HCN2: variants seen among roughly 807,000 people sequenced by gnomAD.
The protein encoded by HCN2 is potassium/sodium hyperpolarization-activated cyclic nucleotide-gated channel 2.
Under a neutral mutation model 52.3 loss-of-function variants are expected in HCN2, and 20 were observed. That is an observed-to-expected ratio of 0.38 (90% CI 0.27 to 0.56). The LOEUF (loss-of-function observed/expected upper bound fraction) is 0.56. Ranked by LOEUF, HCN2 falls within the 20% of genes least tolerant of loss-of-function variation. HCN2 has a pLI of 0.71. For missense variants in HCN2, 981 were observed against 1,207.7 expected (o/e 0.81, Z 2.78); for synonymous variants, 694 against 537.0 (o/e 1.29, Z -4.04).
chr19:594,501 T>C (rs1257042387), intron 1 of HCN2, among the ~76,000 whole-genome samples: 2 of 152,236 alleles, frequency 1.3e-5, no homozygotes, highest in Middle Eastern at 3.4e-3. Context: ...CAGGATCTGT[T>C]ATGTCCCCTG....
At position 616,643 on chromosome 19, in the gene HCN2, GCGCCCCCGGCCGTCCCCCCTCAT is replaced by G. The variant is rs1190853048; in HGVS notation, c.*176_*198del. 1 of 294,072 alleles carries G rather than the reference GCGCCCCCGGCCGTCCCCCCTCAT, an allele frequency of 3.4e-6. No individual in the cohort carries two copies. The highest frequency in any genetic ancestry group is 2.3e-5 in the African/African-American group (1 of 43,918). 18.2% of individuals were successfully genotyped at this position (294,072 alleles called of 1,614,324 possible). A position where few individuals can be genotyped will look rare whatever the true frequency, so the allele number is the denominator to read the frequency against. On this transcript the variant is annotated 3_prime_UTR_variant, in exon 8 of 8. Coordinates refer to ENST00000251287, the MANE Select transcript of HCN2 (RefSeq NM_001194.4). ...CAGGGCCGGCGGGGCAGCCCCCTCC[GCGCCCCCGGCCGTCCCCCCTCAT>G]CGCCCCGCGCCCACCCCCATCGCCC...
chr19:613,186 C>T, intron 5 of HCN2, 62 bp from the exon 6 acceptor site: 2 of 1,537,588 alleles, frequency 1.3e-6, no homozygotes, highest in Non-Finnish European at 1.8e-6. Flanking sequence ...GTCCCAGAGG[C>T]AGGGCGAGGG....
At chr19:612,395 T>TGGGTGTGTGG (rs1309811893) in intron 5 of HCN2, among the ~76,000 whole-genome samples, 5 of 38,452 alleles carry the variant, frequency 1.3e-4, no homozygotes, top group African/African-American at 5.0e-4. Context: ...TTTCCACTGG[T>TGGGTGTGTGG]GTGTGTGTGT....
intron 4 of HCN2, 104 bp from the exon 5 acceptor site, chr19:610,155 G>A: frequency 7.3e-7 from 1 of 1,371,852 alleles, no homozygotes; most frequent in Non-Finnish European, 1.0e-6. Context: ...CAGGCTGGGG[G>A]CGGTGTCTGA....
In HCN2 at chr19:590,612, G is replaced by T; in HGVS notation, c.632+35G>T. 1 of 1,322,522 alleles carries T rather than the reference G, an allele frequency of 7.6e-7. No individual in the cohort carries two copies. Among genetic ancestry groups the T allele is most frequent in the Non-Finnish European group, 9.8e-7 (1 of 1,023,750 alleles). 81.9% of individuals were successfully genotyped at this position (1,322,522 alleles called of 1,614,324 possible). A position where few individuals can be genotyped will look rare whatever the true frequency, so the allele number is the denominator to read the frequency against. On this transcript the variant is annotated intron_variant, in intron 1 of 7. Coordinates refer to ENST00000251287, the MANE Select transcript of HCN2 (RefSeq NM_001194.4). This position sits in a 1 kb window ranked among gnomAD's most constrained non-coding sequence, Gnocchi z 7.2. ...CCGGGAGGGCCGGTCGGCGCGAGGG[G>T]GCCCGGGGAGCCGGGCGCGCGGGGA...
At chr19:600,928 C>CA (rs1472685883) in intron 1 of HCN2, among the ~76,000 whole-genome samples, 5 of 152,210 alleles carry the variant, frequency 3.3e-5, no homozygotes, top group African/African-American at 1.2e-4. Context: ...GCACCCCGCA[C>CA]ATGCCACTTC....
At chr19:609,352 GATC>G (rs1160174659) in intron 4 of HCN2, among the ~76,000 whole-genome samples, 2 of 152,186 alleles carry the variant, frequency 1.3e-5, no homozygotes, top group Admixed American at 1.3e-4. Flanking sequence ...TTTCTGGAAA[GATC>G]ATCAGGGAAG....
rs866177625 is a variant in HCN2, at chr19:590,052, C to T, written c.107C>T (p.Pro36Leu). The change falls in exon 1 of 8, where the codon CCG becomes CTG. Residue 36 changes from proline (P) to leucine (L), a missense_variant. Transcript: ENST00000251287. The surrounding 1 kb of genome is among the most constrained non-coding windows in gnomAD (Gnocchi z 7.2). ...PPPAPPQQQPPPPPPPAPPPG... is the reference protein window; with the variant it reads ...PPPAPPQQQPLPPPPPAPPPG... ...CCCGCGCCCCCCCAACAGCAGCCGC[C>T]GCCGCCGCCGCCGCCCGCGCCCCCC... 0.019 allele frequency: 11,997 copies of T among 641,546 alleles called. 174 individuals are homozygous for T. The highest frequency in any genetic ancestry group is 0.044 in the Middle Eastern group (54 of 1,224). 39.7% of individuals were successfully genotyped at this position (641,546 alleles called of 1,614,324 possible).
In HCN2 at chr19:591,791, AG is replaced by A. The variant is rs1177968799; in HGVS notation, c.632+1217del. On this transcript the variant is annotated intron_variant, in intron 1 of 7. Coordinates refer to ENST00000251287, the MANE Select transcript of HCN2 (RefSeq NM_001194.4). The surrounding 1 kb of genome is among the most constrained non-coding windows in gnomAD (Gnocchi z 4.1). ...GGACCCTGGACCCCCGGAACTGGGC[AG>A]GGAGGCTGTGGGGTTCTCTCTTCCC... Among the ~76,000 whole-genome samples the A allele has an allele frequency of 2.0e-5, 3 of 152,148 alleles. No homozygotes were observed. The highest frequency in any genetic ancestry group is 2.9e-5 in the Non-Finnish European group (2 of 68,012).
chr19:590,519 G>C lies in HCN2; in HGVS notation c.574G>C (p.Glu192Gln). 1 of 1,515,700 alleles carries C rather than the reference G, an allele frequency of 6.6e-7. No homozygotes were observed. The highest frequency in any genetic ancestry group is 8.9e-7 in the Non-Finnish European group (1 of 1,125,842). The allele number at this position is 1,515,700 out of a possible 1,614,324, so 93.9% of individuals were successfully genotyped here. Residue 192 changes from glutamate to glutamine, a missense_variant, in exon 1 of 8, where the codon GAG becomes CAG. Transcript: ENST00000251287. This position sits in a 1 kb window ranked among gnomAD's most constrained non-coding sequence, Gnocchi z 7.2. ...MFGSQKAVER[E>Q]QERVKSAGAW... ...CGGCAGCCAGAAGGCCGTGGAGCGC[G>C]AGCAGGAGCGCGTCAAGTCGGCGGG...
chr19:610,481 G>A (rs533922532), intron 5 of HCN2, 76 bp downstream of exon 5: 23 of 1,352,256 alleles, frequency 1.7e-5, no homozygotes, highest in South Asian at 2.5e-5. Context: ...CCCAGGAGCC[G>A]GTCCCTGAGG....
Position 610,239 on chromosome 19 carries a change from G to C in HCN2, c.1438-20G>C, listed in dbSNP as rs777760806. ...CAGGCCGGGGGCGGTGTCTGACCCA[G>C]CCTCGCCTCCTCCCCACAGTACAAG... On this transcript the variant is annotated intron_variant, in intron 4 of 7. Coordinates refer to ENST00000251287, the MANE Select transcript of HCN2 (RefSeq NM_001194.4). 1 of 1,607,684 alleles carries C rather than the reference G, an allele frequency of 6.2e-7. No homozygotes were observed. Among genetic ancestry groups the C allele is most frequent in the South Asian group, 1.1e-5 (1 of 90,874 alleles).
At chr19:602,373 C>T (rs1476387346) in intron 1 of HCN2, among the ~76,000 whole-genome samples, 8 of 123,626 alleles carry the variant, frequency 6.5e-5, no homozygotes, top group Non-Finnish European at 1.0e-4. Flanking sequence ...CCTGCGTGGA[C>T]GCCCCACTCC....
chr19:598,091 C>A (rs2144509031), intron 1 of HCN2, among the ~76,000 whole-genome samples: 1 of 152,294 alleles, frequency 6.6e-6, no homozygotes, highest in African/African-American at 2.4e-5. Context: ...GGCTGAGGGG[C>A]AGGGGGCCAG....
chr19:613,680 C>A (rs866128479), intron 6 of HCN2, among the ~76,000 whole-genome samples, 172 bp from the exon 7 acceptor site: 1 of 7,668 alleles, frequency 1.3e-4, no homozygotes, highest in Non-Finnish European at 2.6e-4. Context: ...GGGATGGGGC[C>A]GGGGATGGGG....
At chr19:600,140 G>A (rs1381771232) in intron 1 of HCN2, among the ~76,000 whole-genome samples, 1 of 152,146 alleles carries the variant, frequency 6.6e-6, no homozygotes, top group East Asian at 1.9e-4. Flanking sequence ...TTCAGCAAGA[G>A]CCCTTGGCCC....
At chr19:602,810 G>T (rs1382454388) in intron 1 of HCN2, among the ~76,000 whole-genome samples, 1 of 152,224 alleles carries the variant, frequency 6.6e-6, no homozygotes, top group Non-Finnish European at 1.5e-5. Context: ...CAAGGACACG[G>T]GGTCAAAGTT....
At chr19:611,415 G>T (rs778368386) in intron 5 of HCN2, among the ~76,000 whole-genome samples, 1 of 152,156 alleles carries the variant, frequency 6.6e-6, no homozygotes, top group African/African-American at 2.4e-5. Flanking sequence ...GGGTGTCCCC[G>T]GTGTAGCACC....
chr19:606,754 A>G (rs1983440054), intron 3 of HCN2, among the ~76,000 whole-genome samples: 1 of 151,140 alleles, frequency 6.6e-6, no homozygotes, highest in African/African-American at 2.4e-5. Flanking sequence ...GTAGAGGCTG[A>G]GGCAGGAGAA....
Sources: gnomAD v4.1 joint callset for allele counts (sites outside exome capture counted in the v4.1 genomes callset) on GRCh38, gnomAD v4.1.1 for gene constraint, Gnocchi (gnomAD v3.1) non-coding constraint, MANE v1.5 for transcripts, NCBI Gene and HGNC (gene_info 2026-07-23, HGNC 2026-07-21) for gene names.